Variants in SCFD1 observed in about 807,000 individuals in gnomAD.
SCFD1 encodes the protein sec1 family domain-containing protein 1.
Under a neutral mutation model 103.2 loss-of-function variants are expected in SCFD1, and 37 were observed. The ratio of observed to expected loss-of-function variants is 0.36; its 90% confidence interval spans 0.28 to 0.47. The LOEUF is 0.47. SCFD1 is among the 20% of genes least tolerant of loss of function. SCFD1 has a pLI of 1.00. For missense variants in SCFD1, 639 were observed against 761.2 expected, an observed-to-expected ratio of 0.84 and a Z score of 1.89; for synonymous variants, 264 against 245.0, an observed-to-expected ratio of 1.08 and a Z score of -0.73.
chr14:30,642,335 C>T (rs1477877302), intron 6 of SCFD1, among the ~76,000 whole-genome samples: 1 of 152,188 alleles, frequency 6.6e-6, no homozygotes, highest in East Asian at 1.9e-4. Context: ...AGGTGATCTG[C>T]CCCCTCAGCC....
intron 14 of SCFD1, chr14:30,683,010 A>G (rs1889612635): frequency 2.6e-6 from 3 of 1,141,938 alleles, no homozygotes; most frequent in Non-Finnish European, 3.8e-6. Flanking sequence ...GGAAAAGTTA[A>G]AAAGACGACA....
chr14:30,627,645 C>G (rs1359964935), intron 1 of SCFD1, among the ~76,000 whole-genome samples: 2 of 150,256 alleles, frequency 1.3e-5, no homozygotes, highest in Non-Finnish European at 3.0e-5. Context: ...ACTCGGGAGG[C>G]TGAAGCAGAA....
At chr14:30,663,860 A>G (rs1038082177) in intron 10 of SCFD1, among the ~76,000 whole-genome samples, 2 of 152,166 alleles carry the variant, frequency 1.3e-5, no homozygotes, top group African/African-American at 4.8e-5. Flanking sequence ...TTGAATGGGA[A>G]TTTTATTACT....
chr14:30,640,320 G>A (rs1296400800), intron 6 of SCFD1, among the ~76,000 whole-genome samples: 2 of 152,144 alleles, frequency 1.3e-5, no homozygotes, highest in African/African-American at 4.8e-5. Context: ...TGTTCTTGTG[G>A]AAATTCCTAA....
chr14:30,726,369 C>T (rs530357289), intron 23 of SCFD1, among the ~76,000 whole-genome samples: 1 of 152,220 alleles, frequency 6.6e-6, no homozygotes, highest in East Asian at 1.9e-4. Flanking sequence ...AGAAGACCAT[C>T]TTGTAGGGAT....
chr14:30,730,239 T>G (rs896691979), intron 23 of SCFD1, among the ~76,000 whole-genome samples: 5 of 152,228 alleles, frequency 3.3e-5, no homozygotes, highest in Admixed American at 1.3e-4. Context: ...GTGCCACATT[T>G]TCTTAATCCA....
At chr14:30,719,600 G>A (rs1008210130) in intron 21 of SCFD1, among the ~76,000 whole-genome samples, 14 of 151,978 alleles carry the variant, frequency 9.2e-5, no homozygotes, top group African/African-American at 2.2e-4. Flanking sequence ...CCATTTAGAC[G>A]TTTACTGGTG....
At chr14:30,640,056 C>T (rs184004412) in intron 6 of SCFD1, among the ~76,000 whole-genome samples, 192 bp downstream of exon 6, 1 of 152,142 alleles carries the variant, frequency 6.6e-6, no homozygotes, top group East Asian at 1.9e-4. Context: ...GTTTAATAAA[C>T]CTGTTTTGTA....
intron 7 of SCFD1, among the ~76,000 whole-genome samples, chr14:30,649,278 G>A (rs943877413): frequency 1.3e-5 from 2 of 152,046 alleles, no homozygotes; most frequent in African/African-American, 4.8e-5. Context: ...TTCGGGTGAT[G>A]GGTGCACTAA....
chr14:30,722,129 A>G (rs976788429), intron 22 of SCFD1, among the ~76,000 whole-genome samples: 1 of 152,168 alleles, frequency 6.6e-6, no homozygotes, highest in Admixed American at 6.5e-5. Context: ...AAGTATTTCA[A>G]ATTGCAGTGA....
At chr14:30,718,054 A>AT (rs1389348785) in intron 20 of SCFD1, among the ~76,000 whole-genome samples, 1 of 152,164 alleles carries the variant, frequency 6.6e-6, no homozygotes, top group Non-Finnish European at 1.5e-5. Flanking sequence ...CAAACTGAAG[A>AT]TTTTAACTAA....
intron 1 of SCFD1, among the ~76,000 whole-genome samples, chr14:30,623,983 A>G (rs1047702089): frequency 4.6e-5 from 7 of 152,182 alleles, no homozygotes; most frequent in African/African-American, 1.7e-4. Flanking sequence ...TTTATTGAGC[A>G]TTTACTATTG....
upstream of SCFD1, chr14:30,622,309 C>G (rs372186550): frequency 6.3e-7 from 1 of 1,594,302 alleles, no homozygotes; most frequent in Non-Finnish European, 8.5e-7. Context: ...GCTCCGCTCC[C>G]CAGCCGGGCA....
Position 30,719,165 on chromosome 14 carries a change from G to C in SCFD1, c.1684-160G>C, listed in dbSNP as rs537050083. 2.6e-5 allele frequency among the ~76,000 whole-genome samples: 4 copies of C among 152,246 alleles called. No homozygotes were observed. In the South Asian group the frequency reaches 8.3e-4, roughly 32 times the overall value. ...TGAGTAATTTCATCTAAAGCACTTA[G>C]AATAAAGGTTAGCACATAGTAAGTG... On this transcript the variant is annotated intron_variant, in intron 20 of 24. Coordinates refer to ENST00000458591, the MANE Select transcript of SCFD1 (RefSeq NM_016106.4).
intron 17 of SCFD1, among the ~76,000 whole-genome samples, chr14:30,702,998 A>C (rs1891181271): frequency 6.6e-6 from 1 of 152,096 alleles, no homozygotes; most frequent in Non-Finnish European, 1.5e-5. Context: ...CAGTCAAGTC[A>C]TTAAAAATCA....
intron 20 of SCFD1, among the ~76,000 whole-genome samples, chr14:30,718,597 A>G (rs1280062370): frequency 6.6e-6 from 1 of 152,258 alleles, no homozygotes; most frequent in Non-Finnish European, 1.5e-5. Context: ...TTAGCAAAGT[A>G]TACTAAGTTA....
intron 5 of SCFD1, among the ~76,000 whole-genome samples, chr14:30,639,506 TTAAGTTC>T (rs1885057604): frequency 6.6e-6 from 1 of 152,212 alleles, no homozygotes; most frequent in Admixed American, 6.5e-5. Context: ...CAACCACAAT[TTAAGTTC>T]TTGTATCTGC....
At chr14:30,641,498 A>AT (rs1361842836) in intron 6 of SCFD1, among the ~76,000 whole-genome samples, 1 of 152,198 alleles carries the variant, frequency 6.6e-6, no homozygotes, top group Admixed American at 6.5e-5. Context: ...AGTGCCAGTA[A>AT]TTAACAAAAA....
At chr14:30,716,032 G>A in intron 20 of SCFD1, 55 bp downstream of exon 20, 2 of 941,140 alleles carry the variant, frequency 2.1e-6, no homozygotes, top group Middle Eastern at 2.1e-4. Context: ...AAACTGACTA[G>A]TATGAAAGAG....
Sources: allele counts gnomAD v4.1 joint callset (sites outside exome capture counted in the v4.1 genomes callset), GRCh38; gene constraint gnomAD v4.1.1; transcripts MANE v1.5; gene names NCBI Gene and HGNC (gene_info 2026-07-23, HGNC 2026-07-21).